The following HTR3A variants were observed in gnomAD, a reference collection of about 807,000 sequenced individuals.
The protein encoded by HTR3A is 5-hydroxytryptamine receptor 3A.
In HTR3A, 45 loss-of-function variants were observed where a neutral mutation model predicts 54.8. The ratio of observed to expected loss-of-function variants is 0.82; its 90% CI spans 0.65 to 1.05. HTR3A has a LOEUF of 1.05. HTR3A is among the 50% of genes least tolerant of loss of function. The pLI, the probability that HTR3A is intolerant of heterozygous loss-of-function variation, is 0.00. For synonymous variants in HTR3A, 297 were observed against 256.0 expected, an observed-to-expected ratio of 1.16 and a Z score of -1.53; for missense variants, 657 against 614.0, an observed-to-expected ratio of 1.07 and a Z score of -0.74.
rs1336322375 is a variant in HTR3A at position 113,989,783 on chromosome 11, G to A, written c.*20G>A. 6.2e-7 allele frequency: 1 copy of A among 1,604,912 alleles called. No individual in the cohort carries two copies. The highest frequency in any genetic ancestry group is 2.2e-5 in the East Asian group (1 of 44,876). ...GCTTGAGTGGGTACAGCCCAGTGGA[G>A]GAGGGGGTACAGTCCTGGTTAGGTG... On this transcript the variant is annotated 3_prime_UTR_variant, in exon 9 of 9. Coordinates refer to ENST00000504030, the MANE Select transcript of HTR3A (RefSeq NM_000869.6). The surrounding 1 kb of genome is among the most constrained non-coding windows in gnomAD (Gnocchi z 4.4).
At chr11:113,988,714 A>G (rs753094386) in intron 8 of HTR3A, among the ~76,000 whole-genome samples, 6 of 152,178 alleles carry the variant, frequency 3.9e-5, no homozygotes, top group Non-Finnish European at 5.9e-5. Context: ...CAGTGAGCTG[A>G]GATTGCACCA....
chr11:113,986,712 C>A lies in HTR3A; in HGVS notation c.900C>A (p.Ile300=). 1 of 1,614,202 alleles carries A rather than the reference C, an allele frequency of 6.2e-7. No homozygotes were observed. Among genetic ancestry groups the A allele is most frequent in the Non-Finnish European group, 8.5e-7 (1 of 1,180,038 alleles). The part of the protein sequence containing the change: ...IVSDTLPATA[I]GTPLIGVYFV... ...CTGACACGCTGCCGGCCACTGCCAT[C>A]GGCACTCCTCTCATTGGTAAGGCCC... The change falls in exon 7 of 9, where the codon ATC becomes ATA. Residue 300 remains isoleucine (I), a synonymous_variant. Coordinates refer to ENST00000504030, the MANE Select transcript of HTR3A (RefSeq NM_000869.6).
chr11:113,983,070 A>G, intron 4 of HTR3A, 50 bp from the exon 5 acceptor site: 1 of 1,609,744 alleles, frequency 6.2e-7, no homozygotes, highest in Non-Finnish European at 8.5e-7. Context: ...AGGCACCCAG[A>G]GCTTGCCCTG....
At chr11:113,985,744 C>G (rs757488985) in intron 5 of HTR3A, among the ~76,000 whole-genome samples, 1 of 151,804 alleles carries the variant, frequency 6.6e-6, no homozygotes, top group Admixed American at 6.6e-5. Context: ...GGAGAGAGAG[C>G]GCTTTCTAAT....
chr11:113,977,824 C>G lies in HTR3A; in HGVS notation c.121C>G (p.Leu41Val), dbSNP rs752532960. The G allele has an allele frequency of 6.2e-7, 1 of 1,614,150 alleles. No homozygotes were observed. Among genetic ancestry groups the G allele is most frequent in the South Asian group, 1.1e-5 (1 of 91,080 alleles). The change falls in exon 2 of 9, where the codon CTT becomes GTT. Residue 41 changes from leucine to valine, a missense_variant. By Grantham distance (32) the Leu-to-Val change is conservative. Transcript: ENST00000504030. ...CGCTCTGCTGAGGCTGTCGGATTAC[C>G]TTTTGACCAACTACAGGAAGGGTGT... ...RPALLRLSDY[L>V]LTNYRKGVRP...
At chr11:113,981,421 AT>A in intron 4 of HTR3A, 109 bp downstream of exon 4, 1 of 741,706 alleles carries the variant, frequency 1.3e-6, no homozygotes, top group South Asian at 1.5e-5. Flanking sequence ...CCCACCAGGA[AT>A]TGCAGACTGT....
intron 5 of HTR3A, among the ~76,000 whole-genome samples, chr11:113,983,686 AT>A (rs1161547169): frequency 1.3e-5 from 2 of 152,030 alleles, no homozygotes; most frequent in Non-Finnish European, 2.9e-5. Context: ...GTAAGGGACA[AT>A]TTTTTTCCAA....
chr11:113,975,217 C>T lies in HTR3A; in HGVS notation c.-109C>T, dbSNP rs777305919. On this transcript the variant is annotated 5_prime_UTR_variant, in exon 1 of 9. It adds an upstream start codon to the 5' untranslated region. Transcript: ENST00000504030. The stretch of plus-strand genomic sequence containing the variant: ...CCTCAGAAGGTGTGAGCAGTGGCCA[C>T]GAGAGGCAGGCTGGCTGGGACATGA... 9.8e-5 allele frequency: 105 copies of T among 1,067,958 alleles called. No homozygotes were observed. Among genetic ancestry groups the T allele is most frequent in the Non-Finnish European group, 1.3e-4 (89 of 708,970 alleles). 66.2% of individuals were successfully genotyped at this position (1,067,958 alleles called of 1,614,324 possible). A position where few individuals can be genotyped will look rare whatever the true frequency, so the allele number is the denominator to read the frequency against.
Position 113,989,340 on chromosome 11 carries a change from G to T in HTR3A, c.1139-125G>T. The T allele has an allele frequency of 9.5e-7, 1 of 1,054,224 alleles. No homozygotes were observed. The highest frequency in any genetic ancestry group is 1.5e-6 in the Non-Finnish European group (1 of 686,898). The allele number at this position is 1,054,224 out of a possible 1,614,324, so 65.3% of individuals were successfully genotyped here. ...ATCACACCACTGCCCTCCAGCCTGGGTGACAGAGTGAGAAAAAAAAAGTTA... is the reference window on the plus strand; with the variant it reads ...ATCACACCACTGCCCTCCAGCCTGGTTGACAGAGTGAGAAAAAAAAAGTTA... On this transcript the variant is annotated intron_variant, in intron 8 of 8. Coordinates refer to ENST00000504030, the MANE Select transcript of HTR3A (RefSeq NM_000869.6). The surrounding 1 kb of genome is among the most constrained non-coding windows in gnomAD (Gnocchi z 4.4).
chr11:113,982,749 G>A (rs934310807), intron 4 of HTR3A, among the ~76,000 whole-genome samples: 11 of 152,184 alleles, frequency 7.2e-5, no homozygotes, highest in African/African-American at 2.7e-4. Flanking sequence ...GCCTGGTCCC[G>A]CAGGACTGGC....
intron 8 of HTR3A, among the ~76,000 whole-genome samples, chr11:113,988,107 A>G (rs559379651): frequency 5.9e-5 from 9 of 151,792 alleles, no homozygotes; most frequent in Admixed American, 1.3e-4. Context: ...ACTCCTCTCC[A>G]CTCCACTCCC....
At chr11:113,977,945 A>T (rs1346350179) in intron 2 of HTR3A, 23 bp downstream of exon 2, 2 of 1,614,020 alleles carry the variant, frequency 1.2e-6, no homozygotes, top group Non-Finnish European at 1.7e-6. Context: ...CCCGAGCTGC[A>T]CACAGGCAGA....
chr11:113,985,986 C>G lies in HTR3A; in HGVS notation c.545-29C>G, dbSNP rs750852687. 9.9e-6 allele frequency: 16 copies of G among 1,613,720 alleles called. No homozygotes were observed. In the African/African-American group the frequency reaches 1.9e-4, roughly 19 times the overall value. On this transcript the variant is annotated intron_variant, in intron 5 of 8. Transcript: ENST00000504030. ...CCAGCAGGCTCTGGGTACTAGATTC[C>G]AAAGCTGGCTTGCTTTATTCTCTCT...
chr11:113,989,489 T>A lies in HTR3A; in HGVS notation c.1163T>A (p.Met388Lys), dbSNP rs1388489279. The A allele has an allele frequency of 6.2e-7, 1 of 1,614,060 alleles. No homozygotes were observed. The highest frequency in any genetic ancestry group is 8.5e-7 in the Non-Finnish European group (1 of 1,180,032). The change falls in exon 9 of 9, where the codon ATG becomes AAG. Residue 388 changes from methionine to lysine, a missense_variant. Met to Lys is a moderately conservative substitution (Grantham distance 95). Transcript: ENST00000504030. The surrounding 1 kb of genome is among the most constrained non-coding windows in gnomAD (Gnocchi z 4.4). ...CSAMGNHCSH[M>K]GGPQDFEKSP... Reference sequence around the variant, plus strand: ...GCCATGGGAAACCACTGCAGCCACATGGGAGGACCCCAGGACTTCGAGAAG... The same window carrying A: ...GCCATGGGAAACCACTGCAGCCACAAGGGAGGACCCCAGGACTTCGAGAAG...
intron 8 of HTR3A, among the ~76,000 whole-genome samples, chr11:113,988,361 G>T (rs1950516463): frequency 6.6e-6 from 1 of 152,208 alleles, no homozygotes; most frequent in African/African-American, 2.4e-5. Flanking sequence ...GCAGTGGATT[G>T]GGAGTCCAGA....
At position 113,983,105 on chromosome 11, in the gene HTR3A, C is replaced by G; in HGVS notation, c.375-15C>G. On this transcript the variant is annotated splice_polypyrimidine_tract_variant and intron_variant, in intron 4 of 8. Transcript: ENST00000504030. ...GTCTCTTGAGCTCCCAAACTAACCC[C>G]TTTTCCCCCGCCAGCGTGGATGTGG... 6.2e-7 allele frequency: 1 copy of G among 1,614,186 alleles called. No individual in the cohort carries two copies. The highest frequency in any genetic ancestry group is 8.5e-7 in the Non-Finnish European group (1 of 1,180,026).
chr11:113,979,253 G>A lies in HTR3A; in HGVS notation c.240G>A (p.Leu80=). ...ILNVDEKNQV[L]TTYIWYRQYW... is the part of the protein sequence containing the mutation. ...CCCAGGATGAGAAGAATCAGGTGCT[G>A]ACCACCTACATCTGGTACCGGCAGG... is the stretch of plus-strand genomic sequence containing the variant. Residue 80 remains leucine, a synonymous_variant, in exon 3 of 9, where the codon CTG becomes CTA. Coordinates refer to ENST00000504030, the MANE Select transcript of HTR3A (RefSeq NM_000869.6). The A allele has an allele frequency of 1.2e-6, 2 of 1,613,058 alleles. No homozygotes were observed. Among genetic ancestry groups the A allele is most frequent in the South Asian group, 1.1e-5 (1 of 91,060 alleles).
intron 3 of HTR3A, among the ~76,000 whole-genome samples, chr11:113,979,814 G>A (rs904663668): frequency 2.6e-5 from 4 of 152,110 alleles, no homozygotes; most frequent in Admixed American, 2.6e-4. Flanking sequence ...AAGAGTGGAG[G>A]TCACTATCCA....
intron 5 of HTR3A, 145 bp from the exon 6 acceptor site, chr11:113,985,870 A>C: frequency 1.2e-6 from 1 of 838,902 alleles, no homozygotes; most frequent in Non-Finnish European, 2.1e-6. Context: ...GAGGACACTG[A>C]GGCTGAAGGT....
Sources: allele counts gnomAD v4.1 joint callset (sites outside exome capture counted in the v4.1 genomes callset), GRCh38; gene constraint gnomAD v4.1.1; non-coding constraint Gnocchi (gnomAD v3.1); transcripts MANE v1.5; gene names NCBI Gene and HGNC (gene_info 2026-07-23, HGNC 2026-07-21).